The following CACNA1D variants were observed in gnomAD, a reference collection of about 807,000 sequenced individuals.
The protein encoded by CACNA1D is voltage-dependent L-type calcium channel subunit alpha-1D.
Under a neutral mutation model 257.1 loss-of-function variants are expected in CACNA1D, and 55 were observed. The observed-to-expected ratio is 0.21, with a 90% CI of 0.17 to 0.27. The LOEUF (loss-of-function observed/expected upper bound fraction) is 0.27, where lower values mean the gene tolerates loss of function less well. Ranked by LOEUF, CACNA1D falls within the 10% of genes least tolerant of loss-of-function variation. CACNA1D has a pLI of 1.00. For synonymous variants in CACNA1D, 980 were observed against 1,014.9 expected (o/e 0.97, Z 0.65); for missense variants, 1,876 against 2,784.0 (o/e 0.67, Z 7.34).
intron 29 of CACNA1D, among the ~76,000 whole-genome samples, chr3:53,759,444 G>A (rs17053478): frequency 0.018 from 2,799 of 152,326 alleles, 66 homozygotes; most frequent in East Asian, 0.11. Flanking sequence ...GAGAAGCGGC[G>A]CACACGGTAC....
At chr3:53,755,556 A>G (rs1401472997) in intron 29 of CACNA1D, among the ~76,000 whole-genome samples, 1 of 152,138 alleles carries the variant, frequency 6.6e-6, no homozygotes, top group Non-Finnish European at 1.5e-5. Context: ...GAGTTTTTAA[A>G]TGGTTGATTT....
chr3:53,718,459 C>T, intron 10 of CACNA1D, 71 bp downstream of exon 10: 2 of 1,432,262 alleles, frequency 1.4e-6, no homozygotes, highest in Non-Finnish European at 2.0e-6. Flanking sequence ...AGGAAGACCG[C>T]CCAGGCTGCA....
intron 3 of CACNA1D, among the ~76,000 whole-genome samples, chr3:53,608,594 T>C (rs1423479863): frequency 6.6e-6 from 1 of 152,228 alleles, no homozygotes; most frequent in Admixed American, 6.5e-5. Flanking sequence ...CACCGTTAAG[T>C]ATGATGCTAG....
chr3:53,677,820 T>C (rs148032225), intron 8 of CACNA1D, among the ~76,000 whole-genome samples: 1 of 152,374 alleles, frequency 6.6e-6, no homozygotes, highest in Non-Finnish European at 1.5e-5. Context: ...CAACCAAGTC[T>C]TGAATGTTTG....
rs113363578 is a variant in CACNA1D at position 53,790,567 on chromosome 3, G to A, written c.4923+3615G>A. Among the ~76,000 whole-genome samples the A allele has an allele frequency of 7.3e-3, 1,118 of 152,360 alleles. 16 individuals are homozygous for A. The highest frequency in any genetic ancestry group is 0.025 in the African/African-American group (1,050 of 41,586). On this transcript the variant is annotated intron_variant, in intron 40 of 47. Transcript: ENST00000350061. ...CTGTTTGGAAGTTTGGTTTAAGGAG[G>A]AGACCATTATTTCTAGCTATAAAGA...
chr3:53,581,217 T>A (rs1289838394), intron 3 of CACNA1D, among the ~76,000 whole-genome samples: 1 of 152,240 alleles, frequency 6.6e-6, no homozygotes, highest in East Asian at 1.9e-4. Flanking sequence ...TCCCCATGTT[T>A]GATGTGTGGC....
rs566276027 is a variant in CACNA1D at position 53,664,413 on chromosome 3, C to T, written c.767-1247C>T. 2.6e-5 allele frequency among the ~76,000 whole-genome samples: 4 copies of T among 152,380 alleles called. No individual in the cohort carries two copies. In the East Asian group the frequency reaches 7.7e-4, roughly 29 times the overall value. ...ACTACCTCTCTGTGTGTCTGGCCTG[C>T]TGCTGTCCTGTTGGTCTTTCTAAAG... On this transcript the variant is annotated intron_variant, in intron 5 of 47. Transcript: ENST00000350061.
chr3:53,595,752 G>C (rs2093362107), intron 3 of CACNA1D, among the ~76,000 whole-genome samples: 1 of 152,108 alleles, frequency 6.6e-6, no homozygotes, highest in Non-Finnish European at 1.5e-5. Context: ...GTAAGAATTG[G>C]TGAAAAAAAT....
At chr3:53,718,524 CCACG>C in intron 10 of CACNA1D, 136 bp downstream of exon 10, 1 of 1,025,454 alleles carries the variant, frequency 9.8e-7, no homozygotes. Flanking sequence ...TCCTCGTACC[CCACG>C]CCACGCTTCC....
rs1242460905 is a variant in CACNA1D, at chr3:53,673,628, AG to A, written c.1220+503del. ...TCCTAGGAGCACTAACCTTCAGCAA[AG>A]CACTGAGAGGTTTGGCAGCTGCAAC... is the stretch of plus-strand genomic sequence containing the variant. On this transcript the variant is annotated intron_variant, in intron 8 of 47. Coordinates refer to ENST00000350061, the MANE Select transcript of CACNA1D (RefSeq NM_001128840.3). The surrounding 1 kb of genome is among the most constrained non-coding windows in gnomAD (Gnocchi z 4.1). The A allele has an allele frequency of 1.0e-6, 1 of 979,776 alleles. No homozygotes were observed. The highest frequency in any genetic ancestry group is 1.6e-5 in the African/African-American group (1 of 62,650). 60.7% of individuals were successfully genotyped at this position (979,776 alleles called of 1,614,324 possible).
chr3:53,813,077 A>ATAGG lies in CACNA1D; in HGVS notation c.*1675_*1678dup, dbSNP rs1244758106. The ATAGG allele has an allele frequency of 6.6e-6, 1 of 151,570 alleles. No individual in the cohort carries two copies. The highest frequency in any genetic ancestry group is 1.5e-5 in the Non-Finnish European group (1 of 67,952). The allele number at this position is 151,570 out of a possible 1,614,324, so 9.4% of individuals were successfully genotyped here. Reference sequence around the variant, plus strand: ...TTCCCTGCAATCAAAAAGATAGATGATAGGTAGCAATTTTGGTCCAAAATT... The same window carrying ATAGG: ...TTCCCTGCAATCAAAAAGATAGATGATAGGTAGGTAGCAATTTTGGTCCAAAATT... On this transcript the variant is annotated 3_prime_UTR_variant, in exon 48 of 48. Coordinates refer to ENST00000350061, the MANE Select transcript of CACNA1D (RefSeq NM_001128840.3).
At chr3:53,735,322 G>T in intron 19 of CACNA1D, 52 bp from the exon 20 acceptor site, 1 of 1,586,492 alleles carries the variant, frequency 6.3e-7, no homozygotes. Flanking sequence ...TAAGGACCCA[G>T]TGTGTTCCAC....
intron 27 of CACNA1D, among the ~76,000 whole-genome samples, chr3:53,750,204 A>AG (rs2095213429): frequency 6.6e-6 from 1 of 152,142 alleles, no homozygotes; most frequent in Non-Finnish European, 1.5e-5. Context: ...TGGTGAGGAG[A>AG]GGGAGCCCTG....
At chr3:53,799,578 C>A (rs1469555470) in intron 40 of CACNA1D, among the ~76,000 whole-genome samples, 1 of 152,190 alleles carries the variant, frequency 6.6e-6, no homozygotes, top group East Asian at 1.9e-4. Flanking sequence ...AAAAGCGGAC[C>A]CCCTGTTGGT....
At chr3:53,772,467 A>G (rs1381342932) in intron 32 of CACNA1D, among the ~76,000 whole-genome samples, 1 of 152,226 alleles carries the variant, frequency 6.6e-6, no homozygotes, top group Admixed American at 6.5e-5. Context: ...CTAAATGTCC[A>G]GTGTTCTGGA....
At chr3:53,697,160 G>A (rs2094580189) in intron 8 of CACNA1D, among the ~76,000 whole-genome samples, 1 of 152,212 alleles carries the variant, frequency 6.6e-6, no homozygotes, top group Admixed American at 6.5e-5. Context: ...TCTACCACAT[G>A]AGGCCTGAAC....
rs1450152035 is a variant in CACNA1D, at chr3:53,805,014, G to A, written c.5617G>A (p.Gly1873Ser). ...CTATGGCTACTACAGCAGATACCCA[G>A]GCAGAAACATCGACTCTGAGAGGCC... ...QNYGYYSRYP[G>S]RNIDSERPRG... Residue 1873 changes from glycine to serine, a missense_variant, in exon 45 of 48, where the codon GGC becomes AGC. Around this residue, in one of 10 missense-constraint regions of CACNA1D, gnomAD observed 491 missense variants for 554.3 expected, o/e 0.89. Coordinates refer to ENST00000350061, the MANE Select transcript of CACNA1D (RefSeq NM_001128840.3). The A allele has an allele frequency of 6.2e-7, 1 of 1,614,108 alleles. No individual in the cohort carries two copies. The highest frequency in any genetic ancestry group is 2.2e-5 in the East Asian group (1 of 44,874).
At chr3:53,520,153 C>T (rs1034824721) in intron 3 of CACNA1D, among the ~76,000 whole-genome samples, 1 of 152,154 alleles carries the variant, frequency 6.6e-6, no homozygotes, top group Non-Finnish European at 1.5e-5. Context: ...ATTCTCTTGG[C>T]TATATTCCTG....
intron 3 of CACNA1D, among the ~76,000 whole-genome samples, chr3:53,596,185 T>G (rs1258356681): frequency 1.3e-5 from 2 of 152,134 alleles, no homozygotes; most frequent in Admixed American, 6.5e-5. Flanking sequence ...ACAGCTGTAC[T>G]AGGGAGTCTG....
Sources: allele counts gnomAD v4.1 joint callset (sites outside exome capture counted in the v4.1 genomes callset), GRCh38; gene constraint gnomAD v4.1.1; regional missense constraint gnomAD v4.1.1; non-coding constraint Gnocchi (gnomAD v3.1); transcripts MANE v1.5; gene names NCBI Gene and HGNC (gene_info 2026-07-23, HGNC 2026-07-21).